Variants in MYO18B observed in about 807,000 individuals in gnomAD.
The protein encoded by MYO18B is myosin XVIIIB.
In MYO18B, 204 loss-of-function variants were observed where a neutral mutation model predicts 273.0. That is an observed-to-expected ratio of 0.75 (90% CI 0.67 to 0.84). The LOEUF is 0.84. Among genes scored for constraint, MYO18B ranks in the 40% least tolerant of loss-of-function variants. The pLI, the probability that MYO18B is intolerant of heterozygous loss-of-function variation, is 0.00. For synonymous variants in MYO18B, 1,330 were observed against 1,305.7 expected (o/e 1.02, Z -0.40); for missense variants, 3,212 against 3,287.6 (o/e 0.98, Z 0.56).
Position 26,027,838 on chromosome 22 carries a change from T to C in MYO18B, c.*12+148T>C, listed in dbSNP as rs1936378516. 1.2e-6 allele frequency: 1 copy of C among 835,314 alleles called. No individual in the cohort carries two copies. The highest frequency in any genetic ancestry group is 2.9e-5 in the Admixed American group (1 of 34,026). The allele number at this position is 835,314 out of a possible 1,614,324, so 51.7% of individuals were successfully genotyped here. A position where few individuals can be genotyped will look rare whatever the true frequency, so the allele number is the denominator to read the frequency against. On this transcript the variant is annotated intron_variant, in intron 43 of 43. Coordinates refer to ENST00000335473, the MANE Select transcript of MYO18B (RefSeq NM_032608.7). The surrounding 1 kb of genome is among the most constrained non-coding windows in gnomAD (Gnocchi z 4.1). ...AGAGGTTTTAGCTGAAGTCATGTGTTGATGGATGCAAAGCTTTTCAGAACC... is the reference window on the plus strand; with the variant it reads ...AGAGGTTTTAGCTGAAGTCATGTGTCGATGGATGCAAAGCTTTTCAGAACC...
intron 34 of MYO18B, among the ~76,000 whole-genome samples, chr22:25,933,224 C>T (rs962273996): frequency 6.6e-6 from 1 of 152,138 alleles, no homozygotes; most frequent in African/African-American, 2.4e-5. Context: ...CTGAGATTCC[C>T]AGGACAAAGG....
At position 26,030,646 on chromosome 22, in the gene MYO18B, C is replaced by T; in HGVS notation, c.*216C>T. On this transcript the variant is annotated 3_prime_UTR_variant, in exon 44 of 44. Coordinates refer to ENST00000335473, the MANE Select transcript of MYO18B (RefSeq NM_032608.7). ...AAATAAAGTGTTGACTCCTGGGCAT[C>T]TGTGCCTTCTCTATGGCCTTGCTAC... 3.0e-6 allele frequency: 1 copy of T among 332,538 alleles called. No homozygotes were observed. The highest frequency in any genetic ancestry group is 5.4e-6 in the Non-Finnish European group (1 of 183,792). 20.6% of individuals were successfully genotyped at this position (332,538 alleles called of 1,614,324 possible).
At chr22:25,819,454 A>G (rs756346743) in intron 12 of MYO18B, among the ~76,000 whole-genome samples, 11 of 152,342 alleles carry the variant, frequency 7.2e-5, no homozygotes, top group African/African-American at 2.4e-4. Flanking sequence ...TTCACTCTCA[A>G]TCCCCAGCAC....
chr22:25,913,057 C>T (rs528381756), intron 33 of MYO18B, among the ~76,000 whole-genome samples: 39 of 152,278 alleles, frequency 2.6e-4, no homozygotes, highest in African/African-American at 9.4e-4. Flanking sequence ...TGCATAGTCT[C>T]GTATCTGCCT....
chr22:26,033,794 C>CTCTTTCCT (rs139221363), downstream of MYO18B, among the ~76,000 whole-genome samples: 3 of 109,680 alleles, frequency 2.7e-5, no homozygotes, highest in African/African-American at 1.1e-4. Flanking sequence ...TTTTCTGTCT[C>CTCTTTCCT]TCCTTCCTTC....
At chr22:25,978,635 G>GT (rs1415782769) in intron 39 of MYO18B, among the ~76,000 whole-genome samples, 1 of 149,842 alleles carries the variant, frequency 6.7e-6, no homozygotes, top group Non-Finnish European at 1.5e-5. Context: ...GGTGTAGATT[G>GT]ATGAGAGGAA....
chr22:25,909,912 T>C, intron 32 of MYO18B, among the ~76,000 whole-genome samples: 1 of 152,084 alleles, frequency 6.6e-6, no homozygotes, highest in East Asian at 1.9e-4. Flanking sequence ...AATTGCAGAG[T>C]ATGCACTTCG....
chr22:25,793,580 C>T (rs908380092), intron 11 of MYO18B, among the ~76,000 whole-genome samples: 4 of 152,032 alleles, frequency 2.6e-5, no homozygotes, highest in Admixed American at 6.6e-5. Flanking sequence ...CCTCCATGCA[C>T]GGGGCAAGGG....
In MYO18B at chr22:25,911,004, A is replaced by C; in HGVS notation, c.5318A>C (p.His1773Pro). Residue 1773 changes from histidine (H) to proline (P), a missense_variant, in exon 33 of 44, where the codon CAT becomes CCT. By Grantham distance (77) the His-to-Pro change is moderately conservative (BLOSUM62 -2). Coordinates refer to ENST00000335473, the MANE Select transcript of MYO18B (RefSeq NM_032608.7). ...TATGAAGAGAAGCAGATGGTCCTCCATGAGAAGCAAGATTTGGAAGGCTTG... is the reference window on the plus strand; with the variant it reads ...TATGAAGAGAAGCAGATGGTCCTCCCTGAGAAGCAAGATTTGGAAGGCTTG... ...QEYEEKQMVL[H>P]EKQDLEGLIG... 1 of 1,606,466 alleles carries C rather than the reference A, an allele frequency of 6.2e-7. No homozygotes were observed. Among genetic ancestry groups the C allele is most frequent in the Non-Finnish European group, 8.5e-7 (1 of 1,176,648 alleles).
chr22:25,902,506 G>T, intron 29 of MYO18B, 107 bp from the exon 30 acceptor site: 2 of 1,289,780 alleles, frequency 1.6e-6, no homozygotes, highest in South Asian at 3.2e-5. Flanking sequence ...CTTTCTAATG[G>T]TTCTTGGGAA....
At chr22:25,820,193 C>A (rs6004774) in intron 12 of MYO18B, among the ~76,000 whole-genome samples, 7 of 149,808 alleles carry the variant, frequency 4.7e-5, no homozygotes, top group Admixed American at 2.7e-4. Context: ...ATCTATAAAA[C>A]GAGCATAGTC....
chr22:25,843,187 C>T (rs1376742898), intron 17 of MYO18B, among the ~76,000 whole-genome samples: 3 of 152,068 alleles, frequency 2.0e-5, no homozygotes, highest in Non-Finnish European at 4.4e-5. Context: ...ATTTTTTTCT[C>T]CCACCCTGTC....
At chr22:25,851,710 TG>T in intron 21 of MYO18B, 131 bp downstream of exon 21, 2 of 699,946 alleles carry the variant, frequency 2.9e-6, no homozygotes, top group Non-Finnish European at 5.0e-6. Context: ...CCCAGGTGGG[TG>T]GATCACTTGA....
Position 25,902,741 on chromosome 22 carries a change from G to A in MYO18B, c.4947+5G>A. 1 of 1,575,476 alleles carries A rather than the reference G, an allele frequency of 6.3e-7. No individual in the cohort carries two copies. The highest frequency in any genetic ancestry group is 2.3e-5 in the East Asian group (1 of 42,758). On this transcript the variant is annotated splice_donor_5th_base_variant and intron_variant, in intron 30 of 43. Transcript: ENST00000335473. ...CAGCTTCAGCAGCAGCTGAAGGTAA[G>A]GGATGGGGGACACAGAGCTATCTTG...
chr22:25,966,025 G>A (rs959211798), intron 39 of MYO18B, among the ~76,000 whole-genome samples: 6 of 152,132 alleles, frequency 3.9e-5, no homozygotes, highest in Non-Finnish European at 8.8e-5. Context: ...TTCTGAGCAT[G>A]CTCTTTTAAC....
the MYO18B span, among the ~76,000 whole-genome samples, chr22:26,040,593 G>A: frequency 1.3e-5 from 2 of 152,210 alleles, no homozygotes; most frequent in East Asian, 1.9e-4. Flanking sequence ...GGTGCAGCGA[G>A]CATTTTAGAT....
intron 39 of MYO18B, among the ~76,000 whole-genome samples, chr22:25,991,500 C>T (rs1295687095): frequency 6.6e-6 from 1 of 152,188 alleles, no homozygotes. Context: ...AGGTAACAAT[C>T]ATTATGTGTT....
chr22:25,986,044 T>C (rs1470722712), intron 39 of MYO18B, among the ~76,000 whole-genome samples: 1 of 152,226 alleles, frequency 6.6e-6, no homozygotes. Flanking sequence ...ATAGCCTTTC[T>C]TTCTGGGAAA....
intron 11 of MYO18B, among the ~76,000 whole-genome samples, chr22:25,797,694 T>C (rs1048587812): frequency 6.6e-6 from 1 of 152,148 alleles, no homozygotes; most frequent in Non-Finnish European, 1.5e-5. Context: ...AGAGCAGAGC[T>C]TCCATAAATC....
Sources: gnomAD v4.1 joint callset for allele counts (sites outside exome capture counted in the v4.1 genomes callset) on GRCh38, gnomAD v4.1.1 for gene constraint, Gnocchi (gnomAD v3.1) non-coding constraint, MANE v1.5 for transcripts, NCBI Gene and HGNC (gene_info 2026-07-23, HGNC 2026-07-21) for gene names.